The following CSNK1G1 variants were observed in gnomAD, a reference collection of about 807,000 sequenced individuals.
The protein encoded by CSNK1G1 is casein kinase I isoform gamma-1.
CSNK1G1 carries 22 observed loss-of-function variants against 59.6 expected under a neutral mutation model. That is an observed-to-expected ratio of 0.37 (90% CI 0.26 to 0.53). CSNK1G1 has a LOEUF of 0.53. Among genes scored for constraint, CSNK1G1 ranks in the 20% least tolerant of loss-of-function variants. The probability of loss-of-function intolerance (pLI) is 0.89; values close to 1 mark genes in which losing one functional copy is unlikely to be tolerated. For missense variants in CSNK1G1, 384 were observed against 519.5 expected (o/e 0.74, Z 2.54); for synonymous variants, 179 against 177.1 (o/e 1.01, Z -0.08).
intron 1 of CSNK1G1, among the ~76,000 whole-genome samples, chr15:64,324,657 G>C (rs1476159025): frequency 6.6e-6 from 1 of 152,214 alleles, no homozygotes; most frequent in African/African-American, 2.4e-5. Flanking sequence ...ATGGCCTATG[G>C]TGAGTCTTCA....
rs2082130381 is a variant in CSNK1G1 at position 64,203,147 on chromosome 15, CA to C, written c.1041del (p.Ala348GlnfsTer2). The C allele has an allele frequency of 1.9e-6, 3 of 1,613,894 alleles. No homozygotes were observed. In the African/African-American group the frequency reaches 4.0e-5, roughly 22 times the overall value. On this transcript the variant is annotated frameshift_variant, in exon 10 of 12. Coordinates refer to ENST00000303052, the MANE Select transcript of CSNK1G1 (RefSeq NM_022048.5). LOFTEE classifies it high-confidence loss of function. The part of the protein sequence containing the change: ...VGSVHVDSGA[S>X]AITRESHTHR... ...TGTGTGTGGCTTTCTCGAGTTATTG[CA>C]GATGCACCAGAATCTACGTGAACTG...
chr15:64,315,618 AAC>A (rs1224873263), intron 1 of CSNK1G1: 4 of 152,202 alleles, frequency 2.6e-5, no homozygotes, highest in Non-Finnish European at 4.4e-5. Context: ...CACACTGTCA[AAC>A]ACAGTCAAAG....
chr15:64,277,932 TAATAATATATTAATATTGATATAGTTG>T (rs1379949997), intron 2 of CSNK1G1, among the ~76,000 whole-genome samples: 12 of 144,638 alleles, frequency 8.3e-5, no homozygotes, highest in African/African-American at 2.8e-4. Context: ...TTGATATATT[TAATAATATATTAATATTGATATAGTTG>T]AATAATATAT....
intron 1 of CSNK1G1, among the ~76,000 whole-genome samples, chr15:64,318,854 A>G (rs55666682): frequency 0.045 from 6,815 of 151,558 alleles, 199 homozygotes; most frequent in South Asian, 0.088. Flanking sequence ...CAGGTGATCT[A>G]CCCATCTCAG....
At chr15:64,252,056 A>AATTT (rs1389218548) in intron 3 of CSNK1G1, among the ~76,000 whole-genome samples, 1 of 151,894 alleles carries the variant, frequency 6.6e-6, no homozygotes, top group Non-Finnish European at 1.5e-5. Flanking sequence ...TGTCACTTTA[A>AATTT]AGAGAGGCAC....
intron 1 of CSNK1G1, among the ~76,000 whole-genome samples, chr15:64,320,079 T>G (rs1156620663): frequency 6.6e-6 from 1 of 151,746 alleles, no homozygotes; most frequent in Non-Finnish European, 1.5e-5. Context: ...TAATTTTTGT[T>G]TAGTTTTTGT....
At chr15:64,274,519 T>TTA (rs1893499039) in intron 2 of CSNK1G1, among the ~76,000 whole-genome samples, 1 of 152,182 alleles carries the variant, frequency 6.6e-6, no homozygotes, top group African/African-American at 2.4e-5. Context: ...CTGAAAGCTT[T>TTA]TAGTATCTGT....
chr15:64,185,558 C>T (rs1029469652), intron 10 of CSNK1G1, among the ~76,000 whole-genome samples: 10 of 152,014 alleles, frequency 6.6e-5, no homozygotes, highest in African/African-American at 2.4e-4. Flanking sequence ...TCAGTTGGAT[C>T]CATTTCTAAA....
chr15:64,171,947 G>A lies in CSNK1G1; in HGVS notation c.1253C>T (p.Ala418Val). ...AGGCACTGGTCACTTGTGGCGCTGAGCAGTCTTCTTCCTTTTCCTCTTAAA... is the reference window on the plus strand; with the variant it reads ...AGGCACTGGTCACTTGTGGCGCTGAACAGTCTTCTTCCTTTTCCTCTTAAA... The part of the protein sequence containing the change: ...CFFKRKRKKT[A>V]QRHK Residue 418 changes from alanine to valine, a missense_variant, in exon 12 of 12, where the codon GCT (alanine) becomes GTT (valine). Physicochemically the swap from Ala to Val is moderately conservative, Grantham distance 64. Transcript: ENST00000303052. This position sits in a 1 kb window ranked among gnomAD's most constrained non-coding sequence, Gnocchi z 4.8. 1 of 1,614,140 alleles carries A rather than the reference G, an allele frequency of 6.2e-7. No homozygotes were observed. Among genetic ancestry groups the A allele is most frequent in the Non-Finnish European group, 8.5e-7 (1 of 1,179,980 alleles).
intron 1 of CSNK1G1, among the ~76,000 whole-genome samples, chr15:64,318,131 C>T (rs11638537): frequency 0.97 from 146,712 of 151,776 alleles, 71,070 homozygotes; most frequent in East Asian, 1. Flanking sequence ...GAGGGAAATA[C>T]ATATTTATAT....
chr15:64,243,223 C>T (rs890817632), intron 4 of CSNK1G1, among the ~76,000 whole-genome samples: 9 of 152,030 alleles, frequency 5.9e-5, no homozygotes, highest in Non-Finnish European at 1.3e-4. Context: ...GTAATCCCAG[C>T]TACTCGGAAG....
At chr15:64,340,211 T>G (rs994827055) in intron 1 of CSNK1G1, among the ~76,000 whole-genome samples, 1 of 152,216 alleles carries the variant, frequency 6.6e-6, no homozygotes, top group African/African-American at 2.4e-5. Flanking sequence ...TTACAGAAAT[T>G]TTGGATTCCA....
Position 64,169,973 on chromosome 15 carries a change from T to C in CSNK1G1, c.*1958A>G. ...ACTATCAGAAAATATCCCCACACCC[T>C]CCAGTACAAAAGACAGCCCTGCACC... On this transcript the variant is annotated 3_prime_UTR_variant, in exon 12 of 12. Coordinates refer to ENST00000303052, the MANE Select transcript of CSNK1G1 (RefSeq NM_022048.5). 1 of 152,186 alleles carries C rather than the reference T, an allele frequency of 6.6e-6. No individual in the cohort carries two copies. Among genetic ancestry groups the C allele is most frequent in the Non-Finnish European group, 1.5e-5 (1 of 68,010 alleles). The allele number at this position is 152,186 out of a possible 1,614,324, so 9.4% of individuals were successfully genotyped here.
intron 11 of CSNK1G1, among the ~76,000 whole-genome samples, chr15:64,174,845 G>A (rs1025847122): frequency 2.0e-5 from 3 of 152,052 alleles, no homozygotes; most frequent in Non-Finnish European, 4.4e-5. Context: ...GTGTTTACAA[G>A]GACTTCTTTG....
chr15:64,282,810 C>T (rs549843828), intron 2 of CSNK1G1, among the ~76,000 whole-genome samples: 1 of 152,260 alleles, frequency 6.6e-6, no homozygotes, highest in Admixed American at 6.5e-5. Flanking sequence ...ACACTTCCCC[C>T]CTAGCCAACA....
chr15:64,289,965 C>T (rs557825593), intron 2 of CSNK1G1, among the ~76,000 whole-genome samples: 7 of 152,182 alleles, frequency 4.6e-5, no homozygotes, highest in African/African-American at 1.7e-4. Flanking sequence ...TTATACCAGT[C>T]AGAATGGCTA....
chr15:64,258,910 G>GAAAGATTAAGTTCACA (rs1477518677), intron 3 of CSNK1G1, among the ~76,000 whole-genome samples: 1 of 152,050 alleles, frequency 6.6e-6, no homozygotes, highest in East Asian at 1.9e-4. Context: ...ATACCTCTGT[G>GAAAGATTAAGTTCACA]AAAGATTAAG....
intron 10 of CSNK1G1, among the ~76,000 whole-genome samples, chr15:64,182,100 G>GGA (rs1208110789): frequency 9.2e-6 from 1 of 108,480 alleles, no homozygotes; most frequent in African/African-American, 3.8e-5. Context: ...GTCTTGCTCT[G>GGA]TTGCCCAGGC....
chr15:64,187,206 GGGGGAT>G (rs1201864739), intron 10 of CSNK1G1, among the ~76,000 whole-genome samples: 1 of 148,636 alleles, frequency 6.7e-6, no homozygotes, highest in Admixed American at 6.7e-5. Flanking sequence ...TTTTTTTTGG[GGGGGAT>G]GGAGCCTCAT....
Sources: allele counts gnomAD v4.1 joint callset (sites outside exome capture counted in the v4.1 genomes callset), GRCh38; gene constraint gnomAD v4.1.1; non-coding constraint Gnocchi (gnomAD v3.1); transcripts MANE v1.5; gene names NCBI Gene and HGNC (gene_info 2026-07-23, HGNC 2026-07-21).